Variants in RALGAPB observed in about 807,000 individuals in gnomAD.
The protein encoded by RALGAPB is Ral GTPase activating protein non-catalytic subunit beta.
RALGAPB carries 25 observed loss-of-function variants against 161.1 expected under a neutral mutation model. The ratio of observed to expected loss-of-function variants is 0.16; its 90% CI spans 0.11 to 0.22. The LOEUF is 0.22. Ranked by LOEUF, RALGAPB falls within the 10% of genes least tolerant of loss-of-function variation. The probability of loss-of-function intolerance (pLI) is 1.00; values close to 1 mark genes in which losing one functional copy is unlikely to be tolerated. For synonymous variants in RALGAPB, 629 were observed against 626.1 expected, an observed-to-expected ratio of 1.00 and a Z score of -0.07; for missense variants, 1,391 against 1,815.2, an observed-to-expected ratio of 0.77 and a Z score of 4.25.
At position 38,551,136 on chromosome 20, in the gene RALGAPB, T is replaced by G; in HGVS notation, c.3075T>G (p.His1025Gln). The G allele has an allele frequency of 6.2e-7, 1 of 1,613,964 alleles. No homozygotes were observed. Among genetic ancestry groups the G allele is most frequent in the South Asian group, 1.1e-5 (1 of 91,078 alleles). The change falls in exon 21 of 30, where the codon CAT (histidine) becomes CAG (glutamine). Residue 1025 changes from histidine (H) to glutamine (Q), a missense_variant. Physicochemically the swap from His to Gln is conservative, Grantham distance 24. Transcript: ENST00000262879. ...NDVGFKYSVK[H>Q]RPFPEEVDKI... is the part of the protein sequence containing the mutation. ...TTGGATTTAAATATTCTGTGAAACA[T>G]CGGCCATTTCCTGAAGAGGTGGACA...
intron 16 of RALGAPB, among the ~76,000 whole-genome samples, chr20:38,538,958 A>G (rs375699992): frequency 4.6e-5 from 7 of 152,226 alleles, no homozygotes; most frequent in East Asian, 1.9e-4. Flanking sequence ...TAGCAGCTGT[A>G]TTTATAATAT....
chr20:38,572,831 A>G (rs2088290062), intron 28 of RALGAPB, among the ~76,000 whole-genome samples: 1 of 152,212 alleles, frequency 6.6e-6, no homozygotes, highest in African/African-American at 2.4e-5. Flanking sequence ...CTTTCTTAAT[A>G]TTATCTAATA....
chr20:38,538,641 G>A (rs937941922), intron 16 of RALGAPB, among the ~76,000 whole-genome samples: 1 of 152,134 alleles, frequency 6.6e-6, no homozygotes, highest in African/African-American at 2.4e-5. Context: ...ATGATATACA[G>A]ATGACAAATA....
At chr20:38,473,535 G>T (rs2084714110) in intron 1 of RALGAPB, among the ~76,000 whole-genome samples, 1 of 152,222 alleles carries the variant, frequency 6.6e-6, no homozygotes, top group Non-Finnish European at 1.5e-5. Flanking sequence ...CAGGCATCAT[G>T]CCAGGCCATT....
At chr20:38,509,332 C>A in intron 6 of RALGAPB, 124 bp downstream of exon 6, 1 of 1,071,096 alleles carries the variant, frequency 9.3e-7, no homozygotes, top group Non-Finnish European at 1.4e-6. Flanking sequence ...CAAATGGAAT[C>A]CAGCTGGACA....
intron 21 of RALGAPB, among the ~76,000 whole-genome samples, chr20:38,553,001 G>A (rs945250259): frequency 6.6e-6 from 1 of 152,124 alleles, no homozygotes; most frequent in East Asian, 1.9e-4. Flanking sequence ...AGCAGATAAA[G>A]CCAGAAGGAT....
intron 6 of RALGAPB, among the ~76,000 whole-genome samples, chr20:38,515,200 G>A (rs2086088655): frequency 6.6e-6 from 1 of 152,166 alleles, no homozygotes; most frequent in African/African-American, 2.4e-5. Context: ...CAGTTCTATG[G>A]AAACAGTGTG....
chr20:38,497,510 G>C lies in RALGAPB; in HGVS notation c.547G>C (p.Val183Leu), dbSNP rs759661734. 1 of 1,591,612 alleles carries C rather than the reference G, an allele frequency of 6.3e-7. No homozygotes were observed. Among genetic ancestry groups the C allele is most frequent in the Non-Finnish European group, 8.5e-7 (1 of 1,173,904 alleles). The stretch of plus-strand genomic sequence containing the variant: ...CGACATACTTCTGGCCCCACCAACT[G>C]TTCAAGGTTTGTTTATTTTTTTTTT... The part of the protein sequence containing the change: ...INDILLAPPT[V>L]QGGIAENLAE... Residue 183 changes from valine (V) to leucine (L), a missense_variant, in exon 4 of 30, where the codon GTT becomes CTT. Physicochemically the swap from Val to Leu is conservative, Grantham distance 32. This residue lies in a region of RALGAPB where 946 missense variants were observed against 1,257.2 expected (regional missense o/e 0.75). Transcript: ENST00000262879.
At chr20:38,484,805 C>T (rs893927682) in intron 1 of RALGAPB, among the ~76,000 whole-genome samples, 8 of 152,162 alleles carry the variant, frequency 5.3e-5, no homozygotes, top group African/African-American at 1.9e-4. Context: ...AGGTGATCCT[C>T]CTGCCTCAGC....
In RALGAPB at chr20:38,562,624, C is replaced by A. The variant is rs2087824379; in HGVS notation, c.3624C>A (p.His1208Gln). ...GCTGGTCAGTAGATGTGGGCAGACA[C>A]CCTGGTTGGACTGGGCATGTTTCTA... ...SLGWSVDVGR[H>Q]PGWTGHVSTS... Residue 1208 changes from histidine (H) to glutamine (Q), a missense_variant, in exon 24 of 30, where the codon CAC becomes CAA. Transcript: ENST00000262879. 1 of 1,613,894 alleles carries A rather than the reference C, an allele frequency of 6.2e-7. No homozygotes were observed. The highest frequency in any genetic ancestry group is 1.7e-5 in the Admixed American group (1 of 59,980).
At chr20:38,563,349 A>G (rs1465886877) in intron 24 of RALGAPB, among the ~76,000 whole-genome samples, 1 of 152,214 alleles carries the variant, frequency 6.6e-6, no homozygotes, top group Admixed American at 6.5e-5. Context: ...TCTAATAAGT[A>G]GTTTTCTATT....
At chr20:38,529,442 G>A (rs533608038) in intron 13 of RALGAPB, among the ~76,000 whole-genome samples, 49 of 152,022 alleles carry the variant, frequency 3.2e-4, no homozygotes, top group Admixed American at 1.1e-3. Flanking sequence ...GTTTGAACAC[G>A]GGAGGCGGAG....
chr20:38,499,838 C>T (rs1452786476), intron 5 of RALGAPB: 5 of 391,770 alleles, frequency 1.3e-5, no homozygotes, highest in Non-Finnish European at 2.2e-5. Context: ...TCTTGAGAAA[C>T]AGATAAATTT....
In RALGAPB at chr20:38,539,838, T is replaced by C. The variant is rs2086914760; in HGVS notation, c.2442T>C (p.Ile814=). 6.2e-7 allele frequency: 1 copy of C among 1,614,120 alleles called. No homozygotes were observed. The highest frequency in any genetic ancestry group is 8.5e-7 in the Non-Finnish European group (1 of 1,179,986). The change falls in exon 17 of 30, where the codon ATT becomes ATC. Residue 814 remains isoleucine, a synonymous_variant. Coordinates refer to ENST00000262879, the MANE Select transcript of RALGAPB (RefSeq NM_020336.4). Reference sequence around the variant, plus strand: ...CCATCAGTTCTGTGTGCACCTACATTGTTTATCAGTGTAGTCGGCCAGCTC... The same window carrying C: ...CCATCAGTTCTGTGTGCACCTACATCGTTTATCAGTGTAGTCGGCCAGCTC... ...KRAISSVCTY[I]VYQCSRPAPL...
intron 1 of RALGAPB, among the ~76,000 whole-genome samples, chr20:38,484,607 G>A (rs1456625675): frequency 6.6e-6 from 1 of 152,132 alleles, no homozygotes; most frequent in Non-Finnish European, 1.5e-5. Context: ...GGAGACTGTA[G>A]AAATGTCCAG....
intron 22 of RALGAPB, among the ~76,000 whole-genome samples, chr20:38,557,831 G>A (rs1207091939): frequency 6.6e-6 from 1 of 152,220 alleles, no homozygotes. Flanking sequence ...TATGAATAAA[G>A]CTGCTATAAA....
intron 29 of RALGAPB, 42 bp downstream of exon 29, chr20:38,574,340 T>C: frequency 6.5e-7 from 1 of 1,546,846 alleles, no homozygotes; most frequent in Non-Finnish European, 8.7e-7. Context: ...ATTTTCTTTT[T>C]CTTTATCATT....
At position 38,576,187 on chromosome 20, in the gene RALGAPB, G is replaced by GTGC. The variant is rs2088429789; in HGVS notation, c.*1221_*1222insGCT. ...CAAGGATTCCTGTTACAGTGCTACA[G>GTGC]TATACACTGCTCATTTATCCTATTC... On this transcript the variant is annotated 3_prime_UTR_variant, in exon 30 of 30. Transcript: ENST00000262879. 6.6e-6 allele frequency: 1 copy of GTGC among 152,654 alleles called. No individual in the cohort carries two copies. Among genetic ancestry groups the GTGC allele is most frequent in the Non-Finnish European group, 1.5e-5 (1 of 68,044 alleles). 9.5% of individuals were successfully genotyped at this position (152,654 alleles called of 1,614,324 possible).
chr20:38,517,207 G>C (rs1218470909), intron 7 of RALGAPB, among the ~76,000 whole-genome samples: 1 of 152,202 alleles, frequency 6.6e-6, no homozygotes, highest in African/African-American at 2.4e-5. Flanking sequence ...GGTCCTTTAA[G>C]AAGATCTCTT....
Sources: gnomAD v4.1 joint callset for allele counts (sites outside exome capture counted in the v4.1 genomes callset) on GRCh38, gnomAD v4.1.1 for gene constraint, gnomAD v4.1.1 regional missense constraint, MANE v1.5 for transcripts, NCBI Gene and HGNC (gene_info 2026-07-23, HGNC 2026-07-21) for gene names.